Variants in ZNF875 observed in about 807,000 individuals in gnomAD.
ZNF875 encodes HKR1, GLI-Kruppel zinc finger family member.
ZNF875 carries 14 observed loss-of-function variants against 11.2 expected under a neutral mutation model. That is an observed-to-expected ratio of 1.26 (90% confidence interval 0.83 to 1.96). The LOEUF is 1.96. Among genes scored for constraint, ZNF875 ranks in the 30% most tolerant of loss-of-function variants. The pLI, the probability that ZNF875 is intolerant of heterozygous loss-of-function variation, is 0.00. For synonymous variants in ZNF875, 301 were observed against 281.1 expected (o/e 1.07, Z -0.71); for missense variants, 752 against 760.4 (o/e 0.99, Z 0.13).
chr19:37,342,320 C>G (rs1338854512), intron 2 of ZNF875, among the ~76,000 whole-genome samples: 2 of 152,060 alleles, frequency 1.3e-5, no homozygotes, highest in Non-Finnish European at 2.9e-5. Flanking sequence ...TCTATATTTC[C>G]TCTGAATTAC....
At chr19:37,315,255 T>G (rs2030132862), upstream of ZNF875, 1 of 152,242 alleles carries the variant, frequency 6.6e-6, no homozygotes, top group East Asian at 1.9e-4. Flanking sequence ...TGCGTACTGA[T>G]TTTGAAACTT....
At chr19:37,318,336 A>G (rs189294853) in intron 1 of ZNF875, 2 of 152,126 alleles carry the variant, frequency 1.3e-5, no homozygotes, top group African/African-American at 4.8e-5. Context: ...TTATGTTTAT[A>G]ATAAAGCACC....
At chr19:37,341,228 T>G (rs984219920) in intron 2 of ZNF875, among the ~76,000 whole-genome samples, 3 of 152,246 alleles carry the variant, frequency 2.0e-5, no homozygotes, top group Admixed American at 2.0e-4. Flanking sequence ...TGCTGTATAA[T>G]GAACAATCCT....
Position 37,363,822 on chromosome 19 carries a change from C to A in ZNF875, c.*47C>A. On this transcript the variant is annotated 3_prime_UTR_variant, in exon 5 of 5. Coordinates refer to ENST00000392153, the MANE Select transcript of ZNF875 (RefSeq NM_001353803.2). ...TGTGGTACAGCCTTTAGCCAGGAGT[C>A]ATACTTCATCAGACACCAGAGGACA... 6.7e-7 allele frequency: 1 copy of A among 1,500,632 alleles called. No homozygotes were observed. Among genetic ancestry groups the A allele is most frequent in the South Asian group, 1.2e-5 (1 of 86,024 alleles). 93.0% of individuals were successfully genotyped at this position (1,500,632 alleles called of 1,614,324 possible).
At chr19:37,316,765 C>A (rs145604145), upstream of ZNF875, among the ~76,000 whole-genome samples, 2,649 of 152,000 alleles carry the variant, frequency 0.017, 88 homozygotes, top group African/African-American at 0.061. Context: ...CGGGTTCAAG[C>A]GATTCTTGTG....
chr19:37,336,535 AT>A (rs2034468533), intron 2 of ZNF875, among the ~76,000 whole-genome samples: 1 of 149,652 alleles, frequency 6.7e-6, no homozygotes, highest in African/African-American at 2.5e-5. Context: ...TCCTGACCTC[AT>A]GATCCACCCA....
chr19:37,318,670 C>A (rs1038415882), intron 1 of ZNF875, among the ~76,000 whole-genome samples: 1 of 151,842 alleles, frequency 6.6e-6, no homozygotes, highest in Non-Finnish European at 1.5e-5. Context: ...TACAGGCGCC[C>A]GCCACCACGT....
At chr19:37,359,780 G>T in intron 4 of ZNF875, 1 of 164,302 alleles carries the variant, frequency 6.1e-6, no homozygotes, top group Non-Finnish European at 1.3e-5. Flanking sequence ...TTTAAAATTA[G>T]ATTGTGTTCT....
At chr19:37,344,556 A>G (rs2036398265) in intron 2 of ZNF875, 2 of 773,344 alleles carry the variant, frequency 2.6e-6, no homozygotes, top group Non-Finnish European at 4.5e-6. Flanking sequence ...TCCTACGGTA[A>G]GGCTTCTTGT....
intron 2 of ZNF875, among the ~76,000 whole-genome samples, chr19:37,335,772 C>T (rs1197193115): frequency 2.0e-5 from 3 of 152,110 alleles, no homozygotes; most frequent in Admixed American, 6.5e-5. Flanking sequence ...TGGCAGTGTG[C>T]GTTTGCTCAC....
At chr19:37,344,203 G>A (rs552283792) in intron 2 of ZNF875, among the ~76,000 whole-genome samples, 1 of 152,206 alleles carries the variant, frequency 6.6e-6, no homozygotes, top group East Asian at 1.9e-4. Context: ...GGAGAGAGGG[G>A]ACTGTAATTT....
chr19:37,318,938 T>G (rs1369191724), intron 1 of ZNF875, among the ~76,000 whole-genome samples: 1 of 152,142 alleles, frequency 6.6e-6, no homozygotes, highest in Non-Finnish European at 1.5e-5. Flanking sequence ...TTTTCCCCAA[T>G]GTCTTTGAAA....
At chr19:37,354,225 CCTCCCCTCCTCTCCCCTCCT>C (rs1157898681) in intron 4 of ZNF875, among the ~76,000 whole-genome samples, 5 of 82,414 alleles carry the variant, frequency 6.1e-5, no homozygotes, top group African/African-American at 1.1e-4. Context: ...TTTCTTTCCC[CCTCCCCTCCTCTCCCCTCCT>C]CTCCCCTCCC....
At chr19:37,359,432 C>A in intron 4 of ZNF875, 1 of 250,492 alleles carries the variant, frequency 4.0e-6, no homozygotes, top group South Asian at 3.5e-5. Context: ...TTAGATGGAG[C>A]CTTGCTCTGT....
intron 2 of ZNF875, among the ~76,000 whole-genome samples, chr19:37,340,911 G>A (rs1246396368): frequency 6.6e-6 from 1 of 152,070 alleles, no homozygotes; most frequent in Non-Finnish European, 1.5e-5. Flanking sequence ...GCCTCCCAAA[G>A]TCCTGGGATT....
At position 37,362,445 on chromosome 19, in the gene ZNF875, T is replaced by C. The variant is rs759376928; in HGVS notation, c.593T>C (p.Ile198Thr). The change falls in exon 5 of 5, where the codon ATA becomes ACA. Residue 198 changes from isoleucine to threonine, a missense_variant. Coordinates refer to ENST00000392153, the MANE Select transcript of ZNF875 (RefSeq NM_001353803.2). Reference protein sequence around the residue: ...QSKEDNTVVDIGSSPERRADL... With the variant: ...QSKEDNTVVDTGSSPERRADL... ...AAGGAAGACAACACAGTGGTGGATA[T>C]AGGGTCCAGCCCTGAACGGAGGGCA... is the stretch of plus-strand genomic sequence containing the variant. 1.9e-6 allele frequency: 3 copies of C among 1,614,172 alleles called. No individual in the cohort carries two copies. The highest frequency in any genetic ancestry group is 1.7e-6 in the Non-Finnish European group (2 of 1,180,020).
chr19:37,322,094 G>A (rs1197935474), intron 1 of ZNF875: 2 of 152,204 alleles, frequency 1.3e-5, no homozygotes, highest in Non-Finnish European at 2.9e-5. Context: ...TGGTTTATTG[G>A]TCAGGGCAGG....
At position 37,322,464 on chromosome 19, in the gene ZNF875, G is replaced by A. The variant is rs558747683; in HGVS notation, c.-699+232G>A. On this transcript the variant is annotated intron_variant, in intron 2 of 5. Transcript: ENST00000544914. ...GCAAATACCCACCAGAGAGAATACC[G>A]TAAGGGATGTGGAAAGTGAGTTTCT... 2.0e-4 allele frequency among the ~76,000 whole-genome samples: 31 copies of A among 152,264 alleles called. No homozygotes were observed. In the East Asian group the frequency reaches 2.5e-3, roughly 12 times the overall value.
Position 37,344,505 on chromosome 19 carries a change from C to T in ZNF875, c.34-2685C>T, listed in dbSNP as rs1273246970. The stretch of plus-strand genomic sequence containing the variant: ...GAGCATCAGGAAAAGTGCTTAATTC[C>T]TGTGACTCCATCTTACAAATGACGA... On this transcript the variant is annotated intron_variant, in intron 2 of 4. Coordinates refer to ENST00000392153, the MANE Select transcript of ZNF875 (RefSeq NM_001353803.2). 8 of 580,628 alleles carry T rather than the reference C, an allele frequency of 1.4e-5. No homozygotes were observed. The Admixed American group carries it at 2.3e-4, about 17-fold the overall frequency. 36.0% of individuals were successfully genotyped at this position (580,628 alleles called of 1,614,324 possible).
Sources: gnomAD v4.1 joint callset for allele counts (sites outside exome capture counted in the v4.1 genomes callset) on GRCh38, gnomAD v4.1.1 for gene constraint, MANE v1.5 for transcripts, NCBI Gene and HGNC (gene_info 2026-07-23, HGNC 2026-07-21) for gene names.